The following ANO2 variants were observed in gnomAD, a reference collection of about 807,000 sequenced individuals.
The protein encoded by ANO2 is anoctamin 2.
A neutral mutation model predicts 124.2 loss-of-function variants in ANO2; 101 were observed. The observed-to-expected ratio is 0.81, with a 90% CI of 0.69 to 0.96. The LOEUF is 0.96. Among genes scored for constraint, ANO2 ranks in the 40% least tolerant of loss-of-function variants. The pLI is 0.00. For synonymous variants in ANO2, 486 were observed against 482.5 expected (o/e 1.01, Z -0.09); for missense variants, 1,293 against 1,274.5 (o/e 1.01, Z -0.22).
rs1395599741 is a variant in ANO2 at position 5,806,020 on chromosome 12, A to C, written c.990+32T>G. On this transcript the variant is annotated intron_variant, in intron 9 of 24. Transcript: ENST00000682330. Reference sequence around the variant, plus strand: ...CACCCACCCGTAGTCTCGCATGCCCAAAGTCCAGGATGCTGCACGAGGCAG... The same window carrying C: ...CACCCACCCGTAGTCTCGCATGCCCCAAGTCCAGGATGCTGCACGAGGCAG... The C allele has an allele frequency of 3.7e-6, 6 of 1,610,192 alleles. No homozygotes were observed. In the South Asian group the frequency reaches 5.5e-5, roughly 15 times the overall value.
rs370168207 is a variant in ANO2 at position 5,921,277 on chromosome 12, G to A, written c.297C>T (p.Val99=). The A allele has an allele frequency of 4.5e-5, 73 of 1,613,824 alleles. No individual in the cohort carries two copies. In the Admixed American group the frequency reaches 8.3e-4, roughly 18 times the overall value. ...GGTAGTGGTAGGCAAGTACATAGTC[G>A]ACCTTCCTCTGACTGTCATGGAAGT... The part of the protein sequence containing the change: ...RMHFHDSQRK[V]DYVLAYHYRK... Residue 99 remains valine (V), a synonymous_variant, in exon 3 of 25, where the codon GTC becomes GTT. Transcript: ENST00000682330.
chr12:5,847,271 C>G (rs1368598062), intron 4 of ANO2, among the ~76,000 whole-genome samples: 1 of 152,154 alleles, frequency 6.6e-6, no homozygotes, highest in African/African-American at 2.4e-5. Context: ...ACTGAAACAT[C>G]AGTTCTTGGG....
At chr12:5,792,476 T>C (rs1232691741) in intron 10 of ANO2, among the ~76,000 whole-genome samples, 1 of 152,242 alleles carries the variant, frequency 6.6e-6, no homozygotes, top group African/African-American at 2.4e-5. Context: ...GTCAGCCACA[T>C]GTGAGGTTTT....
At chr12:5,741,827 G>A (rs1011360790) in intron 12 of ANO2, among the ~76,000 whole-genome samples, 4 of 152,146 alleles carry the variant, frequency 2.6e-5, no homozygotes, top group African/African-American at 9.7e-5. Flanking sequence ...TCTGCCCAAG[G>A]TAACAGGGCA....
chr12:5,598,495 A>G (rs1943773657), intron 20 of ANO2, among the ~76,000 whole-genome samples: 2 of 152,134 alleles, frequency 1.3e-5, no homozygotes, highest in African/African-American at 4.8e-5. Context: ...AGCTGGGATT[A>G]CAGGTGCCTG....
chr12:5,640,146 G>A (rs945650137), intron 15 of ANO2, among the ~76,000 whole-genome samples: 13 of 152,172 alleles, frequency 8.5e-5, no homozygotes, highest in African/African-American at 3.1e-4. Flanking sequence ...TAGCACTGGG[G>A]CATTTCTTTG....
intron 1 of ANO2, among the ~76,000 whole-genome samples, chr12:5,941,970 GAGAGAATGTCACC>G (rs1942913187): frequency 6.6e-6 from 1 of 152,308 alleles, no homozygotes; most frequent in South Asian, 2.1e-4. Context: ...AACACAAGTT[GAGAGAATGTCACC>G]AGCAGAACTG....
chr12:5,775,020 G>A (rs534705129), intron 10 of ANO2, among the ~76,000 whole-genome samples: 12 of 152,172 alleles, frequency 7.9e-5, no homozygotes, highest in African/African-American at 2.2e-4. Context: ...CACTCTATGC[G>A]TCAGAAATTA....
chr12:5,603,721 A>G (rs4930740), intron 19 of ANO2, among the ~76,000 whole-genome samples: 36,803 of 151,870 alleles, frequency 0.24, 5,429 homozygotes, highest in Admixed American at 0.35. Context: ...CGAGGCGGGC[A>G]GATCACGAGG....
At chr12:5,775,088 A>G (rs917830640) in intron 10 of ANO2, among the ~76,000 whole-genome samples, 3 of 152,186 alleles carry the variant, frequency 2.0e-5, no homozygotes, top group Non-Finnish European at 4.4e-5. Context: ...CCCTTGCCCA[A>G]GGTCACACAT....
rs560154585 is a variant in ANO2, at chr12:5,819,775, G to A, written c.892+7994C>T. Among the ~76,000 whole-genome samples, 216 of 152,320 alleles carry A rather than the reference G, an allele frequency of 1.4e-3. 1 individual carries two copies. The highest frequency in any genetic ancestry group is 4.7e-3 in the African/African-American group (197 of 41,566). On this transcript the variant is annotated intron_variant, in intron 7 of 24. Transcript: ENST00000682330. ...TCTTCTCTGTATGTCAGATCTAACA[G>A]TGGGAACCACAGTCACTCAACTATA...
chr12:5,739,603 A>ACACACACACG (rs1478778544), intron 12 of ANO2, among the ~76,000 whole-genome samples: 2 of 150,368 alleles, frequency 1.3e-5, no homozygotes. Flanking sequence ...TGTTACACAC[A>ACACACACACG]CACACACACA....
intron 14 of ANO2, among the ~76,000 whole-genome samples, chr12:5,727,841 C>G (rs2362467): frequency 0.36 from 53,117 of 148,724 alleles, 11,015 homozygotes; most frequent in East Asian, 0.55. Flanking sequence ...GAGTCTTGCT[C>G]TGTCCCCCAG....
chr12:5,627,638 T>A lies in ANO2; in HGVS notation c.1816+7514A>T, dbSNP rs117300314. The stretch of plus-strand genomic sequence containing the variant: ...ATTAGATTCATATATGCTCAAAATA[T>A]TCTTCTTTAAAGAATGTTTGGTGCC... On this transcript the variant is annotated intron_variant, in intron 16 of 24. Transcript: ENST00000682330. 6.3e-3 allele frequency among the ~76,000 whole-genome samples: 957 copies of A among 152,368 alleles called. 7 individuals are homozygous for A. Among genetic ancestry groups the A allele is most frequent in the African/African-American group, 0.013 (524 of 41,592 alleles).
chr12:5,724,352 C>T (rs574534434), intron 14 of ANO2, among the ~76,000 whole-genome samples: 8 of 152,204 alleles, frequency 5.3e-5, no homozygotes, highest in Admixed American at 1.3e-4. Flanking sequence ...AAAGAGGGCA[C>T]GAGGGAACTT....
intron 7 of ANO2, among the ~76,000 whole-genome samples, chr12:5,820,487 C>A (rs540487060): frequency 2.0e-5 from 3 of 152,302 alleles, no homozygotes; most frequent in African/African-American, 7.2e-5. Flanking sequence ...GTGGTCATTT[C>A]CCCAGTGCCA....
chr12:5,873,429 C>A (rs1937867636), intron 3 of ANO2, among the ~76,000 whole-genome samples: 1 of 152,160 alleles, frequency 6.6e-6, no homozygotes, highest in African/African-American at 2.4e-5. Context: ...GCATCCAACT[C>A]ACTTCACACT....
chr12:5,762,237 A>C (rs1280961971), intron 10 of ANO2, among the ~76,000 whole-genome samples: 1 of 152,046 alleles, frequency 6.6e-6, no homozygotes, highest in African/African-American at 2.4e-5. Context: ...ATCGCTGAAC[A>C]TAAGGTTTAA....
In ANO2 at chr12:5,636,676, G is replaced by A. The variant is rs1165714770; in HGVS notation, c.1621-1329C>T. ...CATGCACAGGGAGGGAGGCAGGAAG[G>A]AGGGGGTAAGAGGAGGGGAGGAGAG... On this transcript the variant is annotated intron_variant, in intron 15 of 24. Coordinates refer to ENST00000682330, the MANE Select transcript of ANO2 (RefSeq NM_001364791.2). This position sits in a 1 kb window ranked among gnomAD's most constrained non-coding sequence, Gnocchi z 4.6. Among the ~76,000 whole-genome samples, 1 of 150,928 alleles carries A rather than the reference G, an allele frequency of 6.6e-6. No individual in the cohort carries two copies. The highest frequency in any genetic ancestry group is 2.4e-5 in the African/African-American group (1 of 41,018).
Sources: gnomAD v4.1 joint callset for allele counts (sites outside exome capture counted in the v4.1 genomes callset) on GRCh38, gnomAD v4.1.1 for gene constraint, Gnocchi (gnomAD v3.1) non-coding constraint, MANE v1.5 for transcripts, NCBI Gene and HGNC (gene_info 2026-07-23, HGNC 2026-07-21) for gene names.